The following RAB27A variants were observed in gnomAD, a reference collection of about 807,000 sequenced individuals.
RAB27A encodes the protein RAB27A, member RAS oncogene family.
In RAB27A, 17 loss-of-function variants were observed where a neutral mutation model predicts 20.8. The ratio of observed to expected loss-of-function variants is 0.82; its 90% confidence interval spans 0.56 to 1.23. The LOEUF is 1.23. Ranked by LOEUF, RAB27A falls within the 50% of genes most tolerant of loss-of-function variation. The pLI is 0.00. For synonymous variants in RAB27A, 85 were observed against 92.8 expected, an observed-to-expected ratio of 0.92 and a Z score of 0.48; for missense variants, 277 against 266.7, an observed-to-expected ratio of 1.04 and a Z score of -0.27.
intron 2 of RAB27A, among the ~76,000 whole-genome samples, chr15:55,248,769 A>G (rs891185282): frequency 1.3e-5 from 2 of 152,232 alleles, no homozygotes; most frequent in African/African-American, 2.4e-5. Context: ...CACTAAATCA[A>G]TGATGCCAGG....
At position 55,205,418 on chromosome 15, in the gene RAB27A, C is replaced by A; in HGVS notation, c.*89G>T. 1 of 1,330,920 alleles carries A rather than the reference C, an allele frequency of 7.5e-7. No individual in the cohort carries two copies. The highest frequency in any genetic ancestry group is 1.1e-6 in the Non-Finnish European group (1 of 924,058). 82.4% of individuals were successfully genotyped at this position (1,330,920 alleles called of 1,614,324 possible). The stretch of plus-strand genomic sequence containing the variant: ...GGTGAGAAGCAATTTGTACACAATG[C>A]CCATTAATCTCTCACTGTGCCATGT... On this transcript the variant is annotated 3_prime_UTR_variant, in exon 7 of 7. Coordinates refer to ENST00000336787, the MANE Select transcript of RAB27A (RefSeq NM_183235.3).
At chr15:55,209,884 G>A (rs550079218) in intron 6 of RAB27A, among the ~76,000 whole-genome samples, 3,717 of 66,184 alleles carry the variant, frequency 0.056, 1,058 homozygotes, top group African/African-American at 0.28. Context: ...ATATGTGTGT[G>A]TATACATATA....
At chr15:55,303,231 G>A (rs1595755724) in intron 2 of RAB27A, among the ~76,000 whole-genome samples, 1 of 92,746 alleles carries the variant, frequency 1.1e-5, no homozygotes, top group Non-Finnish European at 2.0e-5. Context: ...CCCTCAGCCC[G>A]GCCAGCCGCC....
At chr15:55,206,486 C>T (rs776436630) in intron 6 of RAB27A, among the ~76,000 whole-genome samples, 21 of 151,978 alleles carry the variant, frequency 1.4e-4, no homozygotes, top group African/African-American at 2.4e-4. Context: ...GGACCACAGG[C>T]GCACACCACC....
At chr15:55,313,606 G>A (rs2055030255) in intron 2 of RAB27A, among the ~76,000 whole-genome samples, 1 of 152,208 alleles carries the variant, frequency 6.6e-6, no homozygotes, top group East Asian at 1.9e-4. Context: ...AGGCGCAGTG[G>A]CTCACGCTTG....
intron 1 of RAB27A, among the ~76,000 whole-genome samples, chr15:55,273,416 AAAAAAT>A (rs1478980392): frequency 4.6e-5 from 7 of 150,544 alleles, no homozygotes; most frequent in Middle Eastern, 3.4e-3. Flanking sequence ...CTCAAAAAAA[AAAAAAT>A]AAAAATAAAA....
chr15:55,214,398 T>C (rs1295859757), intron 6 of RAB27A, among the ~76,000 whole-genome samples: 1 of 152,202 alleles, frequency 6.6e-6, no homozygotes, highest in Admixed American at 6.5e-5. Context: ...ATCACGCCAC[T>C]GCACTCCAGC....
chr15:55,215,317 A>C (rs1479126921), intron 6 of RAB27A, among the ~76,000 whole-genome samples: 4 of 152,324 alleles, frequency 2.6e-5, no homozygotes, highest in African/African-American at 9.6e-5. Flanking sequence ...AAAACTATAA[A>C]ACCTGTGCAT....
intron 1 of RAB27A, among the ~76,000 whole-genome samples, chr15:55,316,443 A>AG (rs1176664541): frequency 1.6e-5 from 2 of 123,842 alleles, no homozygotes; most frequent in South Asian, 5.6e-4. Flanking sequence ...GTGGGGGGCA[A>AG]GGGGAGGGAG....
intron 1 of RAB27A, among the ~76,000 whole-genome samples, chr15:55,282,880 C>T (rs756363646): frequency 1.1e-4 from 16 of 152,036 alleles, no homozygotes; most frequent in Non-Finnish European, 1.8e-4. Flanking sequence ...TCAGTCTCAA[C>T]TGCAACTGCC....
chr15:55,238,372 A>G (rs1034509691), intron 2 of RAB27A: 1 of 152,154 alleles, frequency 6.6e-6, no homozygotes, highest in African/African-American at 2.4e-5. Context: ...GTAGTATGGT[A>G]TCTTACAAGG....
chr15:55,318,098 CTTTT>C (rs200901102), intron 1 of RAB27A, among the ~76,000 whole-genome samples: 5 of 131,406 alleles, frequency 3.8e-5, no homozygotes, highest in African/African-American at 3.0e-5. Context: ...CATACTTTTT[CTTTT>C]TTTTTTTTTT....
rs183330809 is a variant in RAB27A, at chr15:55,264,110, G to C, written c.-23+6055C>G. On this transcript the variant is annotated intron_variant, in intron 2 of 6. Coordinates refer to ENST00000336787, the MANE Select transcript of RAB27A (RefSeq NM_183235.3). ...ACCCAGGCTGGAGTTGGAGTGCAGT[G>C]GTCCGATCTTGGCTCATTGCAACCT... Among the ~76,000 whole-genome samples the C allele has an allele frequency of 3.3e-5, 5 of 152,256 alleles. No individual in the cohort carries two copies. The East Asian group carries it at 9.7e-4, about 29-fold the overall frequency.
At chr15:55,304,695 C>T (rs58971300) in intron 2 of RAB27A, among the ~76,000 whole-genome samples, 17,030 of 152,208 alleles carry the variant, frequency 0.11, 1,034 homozygotes, top group East Asian at 0.18. Context: ...CATTTATCTT[C>T]TTGGCTGAAT....
intron 2 of RAB27A, among the ~76,000 whole-genome samples, chr15:55,256,729 G>A (rs1017601748): frequency 2.0e-5 from 3 of 152,144 alleles, no homozygotes; most frequent in Non-Finnish European, 4.4e-5. Flanking sequence ...TGGTATATGG[G>A]GTTCCTCTGC....
At position 55,223,193 on chromosome 15, in the gene RAB27A, T is replaced by A. The variant is rs185276128; in HGVS notation, c.467+696A>T. On this transcript the variant is annotated intron_variant, in intron 6 of 6. Coordinates refer to ENST00000336787, the MANE Select transcript of RAB27A (RefSeq NM_183235.3). ...TATATGCTAGCATTCTCTACAATAG[T>A]ACATGAAGTGGCTTTGAAATTTCCT... is the stretch of plus-strand genomic sequence containing the variant. Among the ~76,000 whole-genome samples, 23 of 152,272 alleles carry A rather than the reference T, an allele frequency of 1.5e-4. No individual in the cohort carries two copies. The East Asian group carries it at 2.7e-3, about 18-fold the overall frequency.
intron 6 of RAB27A, among the ~76,000 whole-genome samples, chr15:55,210,320 G>T (rs1894957874): frequency 6.8e-6 from 1 of 147,280 alleles, no homozygotes; most frequent in Non-Finnish European, 1.5e-5. Context: ...TCTCCACAGT[G>T]CTTATGCTAA....
chr15:55,299,303 CCGCAA>C (rs758829558), intron 2 of RAB27A, among the ~76,000 whole-genome samples: 1 of 152,290 alleles, frequency 6.6e-6, no homozygotes, highest in Non-Finnish European at 1.5e-5. Flanking sequence ...CCCTGACTTC[CCGCAA>C]CAGGGCCGGC....
At chr15:55,216,863 T>C (rs138322132) in intron 6 of RAB27A, among the ~76,000 whole-genome samples, 1 of 152,170 alleles carries the variant, frequency 6.6e-6, no homozygotes, top group African/African-American at 2.4e-5. Flanking sequence ...CCAAGCAATC[T>C]TCATGAAATG....
Sources: gnomAD v4.1 joint callset for allele counts (sites outside exome capture counted in the v4.1 genomes callset) on GRCh38, gnomAD v4.1.1 for gene constraint, MANE v1.5 for transcripts, NCBI Gene and HGNC (gene_info 2026-07-23, HGNC 2026-07-21) for gene names.